Variants in ENO1 observed in about 807,000 individuals in gnomAD.
ENO1 encodes enolase 1.
A neutral mutation model predicts 46.3 loss-of-function variants in ENO1; 33 were observed. The ratio of observed to expected loss-of-function variants is 0.71; its 90% CI spans 0.54 to 0.95. ENO1 has a LOEUF of 0.95. Ranked by LOEUF, ENO1 falls within the 40% of genes least tolerant of loss-of-function variation. The pLI is 0.00. For synonymous variants in ENO1, 220 were observed against 216.0 expected (o/e 1.02, Z -0.16); for missense variants, 488 against 553.3 (o/e 0.88, Z 1.18).
chr1:8,865,542 T>C (rs1461991500), intron 7 of ENO1, 60 bp from the exon 8 acceptor site: 1 of 1,529,390 alleles, frequency 6.5e-7, no homozygotes, highest in African/African-American at 1.4e-5. Context: ...AAACTTCCCT[T>C]CAACAGCTGC....
intron 2 of ENO1, 43 bp downstream of exon 2, chr1:8,874,781 G>C: frequency 6.5e-7 from 1 of 1,540,668 alleles, no homozygotes; most frequent in Non-Finnish European, 8.8e-7. Flanking sequence ...TTAAAATGAA[G>C]CACGGTGGAA....
chr1:8,861,289 C>G lies in ENO1; in HGVS notation c.*71G>C. On this transcript the variant is annotated 3_prime_UTR_variant, in exon 12 of 12. Transcript: ENST00000234590. ...GCAAGTGTTGGTCGGGGGCCTCGAG[C>G]TGCCTGAGCTGACACGAGGGGAGGG... The G allele has an allele frequency of 1.3e-6, 2 of 1,535,264 alleles. No homozygotes were observed. The highest frequency in any genetic ancestry group is 1.8e-6 in the Non-Finnish European group (2 of 1,112,324).
Position 8,861,063 on chromosome 1 carries a change from G to T in ENO1, c.*297C>A. The T allele has an allele frequency of 2.9e-6, 1 of 345,948 alleles. No individual in the cohort carries two copies. Among genetic ancestry groups the T allele is most frequent in the South Asian group, 5.5e-5 (1 of 18,074 alleles). The allele number at this position is 345,948 out of a possible 1,614,324, so 21.4% of individuals were successfully genotyped here. A position where few individuals can be genotyped will look rare whatever the true frequency, so the allele number is the denominator to read the frequency against. On this transcript the variant is annotated 3_prime_UTR_variant, in exon 12 of 12. Coordinates refer to ENST00000234590, the MANE Select transcript of ENO1 (RefSeq NM_001428.5). Reference sequence around the variant, plus strand: ...AAAACCACCGGGGATCTAGCCTGTGGCCACCCCGGAGATGACACGAGGCTC... The same window carrying T: ...AAAACCACCGGGGATCTAGCCTGTGTCCACCCCGGAGATGACACGAGGCTC...
chr1:8,867,586 C>T (rs1269182407), intron 5 of ENO1, among the ~76,000 whole-genome samples: 1 of 151,682 alleles, frequency 6.6e-6, no homozygotes, highest in Non-Finnish European at 1.5e-5. Flanking sequence ...GACAGAGTCT[C>T]ACTCTATTGC....
At chr1:8,871,866 A>G (rs2124094058) in intron 3 of ENO1, 25 bp downstream of exon 3, 5 of 1,610,442 alleles carry the variant, frequency 3.1e-6, no homozygotes, top group Non-Finnish European at 4.2e-6. Flanking sequence ...CAGGGAGGCC[A>G]TGGGCTGTGG....
rs370319386 is a variant in ENO1, at chr1:8,865,358, G to A, written c.792C>T (p.Pro264=). The A allele has an allele frequency of 2.0e-5, 33 of 1,614,052 alleles. No individual in the cohort carries two copies. The Admixed American group carries it at 3.5e-4, about 17-fold the overall frequency. Residue 264 remains proline (P), a synonymous_variant, in exon 8 of 12, where the codon CCC becomes CCT. Coordinates refer to ENST00000234590, the MANE Select transcript of ENO1 (RefSeq NM_001428.5). Reference sequence around the variant, plus strand: ...GCGAGATGTACCTGCTGGGGTCATCGGGAGACTTGAAGTCCAGGTCATACT... The same window carrying A: ...GCGAGATGTACCTGCTGGGGTCATCAGGAGACTTGAAGTCCAGGTCATACT... ...SGKYDLDFKS[P]DDPSRYISPD...
Position 8,866,236 on chromosome 1 carries a change from C to T in ENO1, c.667+43G>A, listed in dbSNP as rs28999085. 1,987 of 1,580,624 alleles carry T rather than the reference C, an allele frequency of 1.3e-3. 30 individuals are homozygous for T. The African/African-American group carries it at 0.025, about 20-fold the overall frequency. ...ACGACCCCCCAACAGAGGGAGCTGG[C>T]GCTGCAGGGCTGGGTGGGGGGGCGG... On this transcript the variant is annotated intron_variant, in intron 7 of 11. Coordinates refer to ENST00000234590, the MANE Select transcript of ENO1 (RefSeq NM_001428.5).
Position 8,873,979 on chromosome 1 carries a change from G to A in ENO1, c.85+845C>T, listed in dbSNP as rs754605371. On this transcript the variant is annotated intron_variant, in intron 2 of 11. Coordinates refer to ENST00000234590, the MANE Select transcript of ENO1 (RefSeq NM_001428.5). ...TTTTCATAAGAAAACTCCTCCTATA[G>A]GGATTGACAGCCAGGTAAAAATGAG... The A allele has an allele frequency of 3.9e-5, 6 of 152,316 alleles. No individual in the cohort carries two copies. The South Asian group carries it at 8.3e-4, about 21-fold the overall frequency. 9.4% of individuals were successfully genotyped at this position (152,316 alleles called of 1,614,324 possible).
chr1:8,873,147 A>G (rs1642667032), intron 2 of ENO1, among the ~76,000 whole-genome samples: 2 of 152,210 alleles, frequency 1.3e-5, no homozygotes, highest in Non-Finnish European at 2.9e-5. Flanking sequence ...GACAAGATGA[A>G]AACAAGAGGC....
intron 2 of ENO1, among the ~76,000 whole-genome samples, chr1:8,872,870 A>C (rs1177258569): frequency 6.6e-6 from 1 of 152,196 alleles, no homozygotes; most frequent in Admixed American, 6.5e-5. Context: ...CAGTTTAATA[A>C]ATGTAAGAAC....
intron 4 of ENO1, 141 bp downstream of exon 4, chr1:8,870,311 G>GA: frequency 6.5e-6 from 7 of 1,071,146 alleles, no homozygotes; most frequent in Non-Finnish European, 8.1e-6. Flanking sequence ...TGTCATGCAT[G>GA]GATTGTTCTC....
chr1:8,873,969 T>A (rs140944914), intron 2 of ENO1: 389 of 152,282 alleles, frequency 2.6e-3, no homozygotes, highest in African/African-American at 8.8e-3. Context: ...ATAAGAAAAC[T>A]CCTCCTATAG....
At position 8,868,017 on chromosome 1, in the gene ENO1, A is replaced by G. The variant is rs764540749; in HGVS notation, c.281T>C (p.Met94Thr). Residue 94 changes from methionine to threonine, a missense_variant, in exon 5 of 12, where the codon ATG becomes ACG. Transcript: ENST00000234590. ...VTEQEKIDKL[M>T]IEMDGTENKS... is the part of the protein sequence containing the mutation. The stretch of plus-strand genomic sequence containing the variant: ...ATTTTCTGTTCCATCCATCTCGATC[A>G]TCAGTTTGTCAATCTTCTCTTGTTC... 1.9e-6 allele frequency: 3 copies of G among 1,613,956 alleles called. No individual in the cohort carries two copies. The highest frequency in any genetic ancestry group is 2.7e-5 in the African/African-American group (2 of 74,892).
At chr1:8,863,687 C>T (rs752798382) in intron 9 of ENO1, among the ~76,000 whole-genome samples, 49 of 152,330 alleles carry the variant, frequency 3.2e-4, no homozygotes, top group Non-Finnish European at 5.3e-4. Flanking sequence ...AGTGATCCTC[C>T]TGCCTTGGCC....
At position 8,878,607 on chromosome 1, in the gene ENO1, G is replaced by A. The variant is rs774377720; in HGVS notation, c.-37C>T. The stretch of plus-strand genomic sequence containing the variant: ...AGCCACTGGGTCTCGTCGCCTAGGA[G>A]AGGAAGCGGAGGGTGCTGCAGACAC... On this transcript the variant is annotated 5_prime_UTR_variant, in exon 1 of 12. Transcript: ENST00000234590. 118 of 456,078 alleles carry A rather than the reference G, an allele frequency of 2.6e-4. No individual in the cohort carries two copies. The highest frequency in any genetic ancestry group is 3.7e-4 in the South Asian group (24 of 64,566). 28.3% of individuals were successfully genotyped at this position (456,078 alleles called of 1,614,324 possible).
Position 8,861,285 on chromosome 1 carries a change from CGAGCTGCCT to C in ENO1, c.*66_*74del. 6.5e-7 allele frequency: 1 copy of C among 1,528,892 alleles called. No homozygotes were observed. The highest frequency in any genetic ancestry group is 9.0e-7 in the Non-Finnish European group (1 of 1,106,868). The allele number at this position is 1,528,892 out of a possible 1,614,324, so 94.7% of individuals were successfully genotyped here. On this transcript the variant is annotated 3_prime_UTR_variant, in exon 12 of 12. Coordinates refer to ENST00000234590, the MANE Select transcript of ENO1 (RefSeq NM_001428.5). ...CCCTGCAAGTGTTGGTCGGGGGCCT[CGAGCTGCCT>C]GAGCTGACACGAGGGGAGGGGTCTG...
intron 11 of ENO1, among the ~76,000 whole-genome samples, chr1:8,861,943 C>T (rs28999100): frequency 0.024 from 3,602 of 150,268 alleles, 145 homozygotes; most frequent in African/African-American, 0.084. Flanking sequence ...GAGGATCACC[C>T]GAGGTCAGCT....
Position 8,874,856 on chromosome 1 carries a change from G to T in ENO1, c.53C>A (p.Pro18His), listed in dbSNP as rs1211983641. The T allele has an allele frequency of 3.7e-6, 6 of 1,613,572 alleles. No homozygotes were observed. The highest frequency in any genetic ancestry group is 5.1e-6 in the Non-Finnish European group (6 of 1,179,808). ...AREIFDSRGN[P>H]TVEVDLFTSK... ...GGTGAAGAGATCAACCTCAACAGTG[G>T]GATTCCCGCGAGAGTCAAAGATCTC... Residue 18 changes from proline to histidine, a missense_variant, in exon 2 of 12, where the codon CCC becomes CAC. By Grantham distance (77) the Pro-to-His change is moderately conservative. Coordinates refer to ENST00000234590, the MANE Select transcript of ENO1 (RefSeq NM_001428.5).
chr1:8,872,044 C>T, intron 2 of ENO1, 58 bp from the exon 3 acceptor site: 2 of 1,447,020 alleles, frequency 1.4e-6, no homozygotes, highest in African/African-American at 2.8e-5. Flanking sequence ...CAGCACAATC[C>T]CAAGTCCCCT....
Sources: allele counts gnomAD v4.1 joint callset (sites outside exome capture counted in the v4.1 genomes callset), GRCh38; gene constraint gnomAD v4.1.1; transcripts MANE v1.5; gene names NCBI Gene and HGNC (gene_info 2026-07-23, HGNC 2026-07-21).